The following KIRREL3 variants were observed in gnomAD, a reference collection of about 807,000 sequenced individuals.
KIRREL3 encodes the protein kirre like nephrin family adhesion molecule 3, also known as kin of IRRE-like protein 3.
KIRREL3 carries 36 observed loss-of-function variants against 89.7 expected under a neutral mutation model. That is an observed-to-expected ratio of 0.40 (90% confidence interval 0.31 to 0.53). The LOEUF (loss-of-function observed/expected upper bound fraction) is 0.53, where lower values mean the gene tolerates loss of function less well. Ranked by LOEUF, KIRREL3 falls within the 20% of genes least tolerant of loss-of-function variation. The probability of loss-of-function intolerance (pLI) is 0.49; values close to 1 mark genes in which losing one functional copy is unlikely to be tolerated. For synonymous variants in KIRREL3, 445 were observed against 441.4 expected, an observed-to-expected ratio of 1.01 and a Z score of -0.10; for missense variants, 864 against 1,056.6, an observed-to-expected ratio of 0.82 and a Z score of 2.53.
Position 126,594,960 on chromosome 11 carries a change from C to G in KIRREL3, c.56-32048G>C, listed in dbSNP as rs1942324161. ...AAGTCACTTTGCAGCTGCCCTGGGCCCTCGGACCCTCAGGGGCCTTCTGGG... is the reference window on the plus strand; with the variant it reads ...AAGTCACTTTGCAGCTGCCCTGGGCGCTCGGACCCTCAGGGGCCTTCTGGG... On this transcript the variant is annotated intron_variant, in intron 1 of 16. Coordinates refer to ENST00000525144, the MANE Select transcript of KIRREL3 (RefSeq NM_032531.4). The surrounding 1 kb of genome is among the most constrained non-coding windows in gnomAD (Gnocchi z 5.0). Among the ~76,000 whole-genome samples the G allele has an allele frequency of 6.6e-6, 1 of 152,202 alleles. No individual in the cohort carries two copies. The highest frequency in any genetic ancestry group is 6.5e-5 in the Admixed American group (1 of 15,274).
At chr11:126,759,030 T>A (rs1360708849) in intron 1 of KIRREL3, among the ~76,000 whole-genome samples, 5 of 152,182 alleles carry the variant, frequency 3.3e-5, no homozygotes, top group Admixed American at 3.3e-4. Context: ...GTCTCCAGAG[T>A]GGGTCATGTA....
In KIRREL3 at chr11:126,802,852, C is replaced by G. The variant is rs80194841; in HGVS notation, c.55+197603G>C. ...AGAAATATGCCATAGGAACTTAACTCTTGTTTATATCAATTAGCCTGTGGG... is the reference window on the plus strand; with the variant it reads ...AGAAATATGCCATAGGAACTTAACTGTTGTTTATATCAATTAGCCTGTGGG... On this transcript the variant is annotated intron_variant, in intron 1 of 16. Transcript: ENST00000525144. The surrounding 1 kb of genome is among the most constrained non-coding windows in gnomAD (Gnocchi z 5.2). Among the ~76,000 whole-genome samples the G allele has an allele frequency of 0.018, 2,735 of 152,154 alleles. 90 individuals carry two copies. The highest frequency in any genetic ancestry group is 0.063 in the African/African-American group (2,616 of 41,480).
In KIRREL3 at chr11:126,462,596, G is replaced by A. The variant is rs1956584599; in HGVS notation, c.742+561C>T. Among the ~76,000 whole-genome samples the A allele has an allele frequency of 6.6e-6, 1 of 152,194 alleles. No homozygotes were observed. The highest frequency in any genetic ancestry group is 2.4e-5 in the African/African-American group (1 of 41,450). ...CAGGAGAATCGCTTGAACCTGGGCA[G>A]CAGAGGTTGCAGTGAGCCGAGATTG... On this transcript the variant is annotated intron_variant, in intron 6 of 16. Coordinates refer to ENST00000525144, the MANE Select transcript of KIRREL3 (RefSeq NM_032531.4). The surrounding 1 kb of genome is among the most constrained non-coding windows in gnomAD (Gnocchi z 4.8).
intron 2 of KIRREL3, among the ~76,000 whole-genome samples, chr11:126,547,394 A>G (rs1938892343): frequency 6.6e-6 from 1 of 152,200 alleles, no homozygotes; most frequent in Non-Finnish European, 1.5e-5. Flanking sequence ...GTGTCTAATC[A>G]CGAAGGCTGC....
At position 126,955,546 on chromosome 11, in the gene KIRREL3, G is replaced by A. The variant is rs558213648; in HGVS notation, c.55+44909C>T. 3.3e-5 allele frequency among the ~76,000 whole-genome samples: 5 copies of A among 152,316 alleles called. No individual in the cohort carries two copies. In the East Asian group the frequency reaches 9.7e-4, roughly 29 times the overall value. On this transcript the variant is annotated intron_variant, in intron 1 of 16. Transcript: ENST00000525144. This position sits in a 1 kb window ranked among gnomAD's most constrained non-coding sequence, Gnocchi z 4.6. ...CAGGGTGAAGGTGGTTTGTCCTCCA[G>A]TGTGTGTTGGCCAGGGAGACTTCCT...
rs1448089601 is a variant in KIRREL3, at chr11:126,606,642, C to A, written c.56-43730G>T. Among the ~76,000 whole-genome samples, 1 of 152,010 alleles carries A rather than the reference C, an allele frequency of 6.6e-6. No individual in the cohort carries two copies. Among genetic ancestry groups the A allele is most frequent in the Admixed American group, 6.6e-5 (1 of 15,252 alleles). ...ACCCTCGACATTCCAGGGAGGGAACCGGAGGACTCCAGTCAGTTTCCAAGC... is the reference window on the plus strand; with the variant it reads ...ACCCTCGACATTCCAGGGAGGGAACAGGAGGACTCCAGTCAGTTTCCAAGC... On this transcript the variant is annotated intron_variant, in intron 1 of 16. Transcript: ENST00000525144. This position sits in a 1 kb window ranked among gnomAD's most constrained non-coding sequence, Gnocchi z 4.6.
chr11:126,735,546 T>C (rs1016502955), intron 1 of KIRREL3, among the ~76,000 whole-genome samples: 7 of 152,200 alleles, frequency 4.6e-5, no homozygotes, highest in Non-Finnish European at 8.8e-5. Flanking sequence ...ACCAGGGATA[T>C]GATCTCAATA....
chr11:126,660,941 G>A (rs1275097529), intron 1 of KIRREL3, among the ~76,000 whole-genome samples: 3 of 152,262 alleles, frequency 2.0e-5, no homozygotes, highest in Admixed American at 6.5e-5. Flanking sequence ...AGAGGCCAAT[G>A]GGGAGATCAT....
At position 126,791,216 on chromosome 11, in the gene KIRREL3, G is replaced by A. The variant is rs961531321; in HGVS notation, c.55+209239C>T. On this transcript the variant is annotated intron_variant, in intron 1 of 16. Transcript: ENST00000525144. This position sits in a 1 kb window ranked among gnomAD's most constrained non-coding sequence, Gnocchi z 4.8. ...TTTAGGAAACCTCTTATTGAGGAAAGAGTACATTTTGGGGGGCCTGTACAG... is the reference window on the plus strand; with the variant it reads ...TTTAGGAAACCTCTTATTGAGGAAAAAGTACATTTTGGGGGGCCTGTACAG... Among the ~76,000 whole-genome samples, 9 of 152,208 alleles carry A rather than the reference G, an allele frequency of 5.9e-5. No homozygotes were observed. The highest frequency in any genetic ancestry group is 2.2e-4 in the African/African-American group (9 of 41,450).
chr11:126,762,326 G>T (rs1411567066), intron 1 of KIRREL3, among the ~76,000 whole-genome samples: 2 of 152,192 alleles, frequency 1.3e-5, no homozygotes, highest in East Asian at 3.8e-4. Flanking sequence ...GGTCAGGTTA[G>T]GTACCCAAGG....
In KIRREL3 at chr11:126,475,586, A is replaced by G. The variant is rs1209380247; in HGVS notation, c.434-2120T>C. On this transcript the variant is annotated intron_variant, in intron 4 of 16. Transcript: ENST00000525144. This position sits in a 1 kb window ranked among gnomAD's most constrained non-coding sequence, Gnocchi z 7.5. ...CCGGACTCCACCGAGATCCTGGCTC[A>G]GGAACAGAGTCTGCCTCAGGCAACC... 6.6e-6 allele frequency among the ~76,000 whole-genome samples: 1 copy of G among 152,102 alleles called. No individual in the cohort carries two copies. The highest frequency in any genetic ancestry group is 6.5e-5 in the Admixed American group (1 of 15,282).
rs915552610 is a variant in KIRREL3, at chr11:126,752,225, C to T, written c.56-189313G>A. Among the ~76,000 whole-genome samples the T allele has an allele frequency of 6.6e-6, 1 of 152,118 alleles. No individual in the cohort carries two copies. The highest frequency in any genetic ancestry group is 1.5e-5 in the Non-Finnish European group (1 of 68,020). Reference sequence around the variant, plus strand: ...GGTTGGTTGGGGGGGTTTCTTGAAGCATTGTAGCTCCCATTATTCTCTTAA... The same window carrying T: ...GGTTGGTTGGGGGGGTTTCTTGAAGTATTGTAGCTCCCATTATTCTCTTAA... On this transcript the variant is annotated intron_variant, in intron 1 of 16. Coordinates refer to ENST00000525144, the MANE Select transcript of KIRREL3 (RefSeq NM_032531.4). The surrounding 1 kb of genome is among the most constrained non-coding windows in gnomAD (Gnocchi z 4.8).
chr11:126,746,834 C>T lies in KIRREL3; in HGVS notation c.56-183922G>A, dbSNP rs142072136. Among the ~76,000 whole-genome samples, 904 of 152,244 alleles carry T rather than the reference C, an allele frequency of 5.9e-3. 11 individuals carry two copies. The highest frequency in any genetic ancestry group is 0.02 in the African/African-American group (827 of 41,538). ...CCCCATTGTGCTTAGCAAGAACCTG[C>T]GGAGCTCCTCACACACTCACATCCT... On this transcript the variant is annotated intron_variant, in intron 1 of 16. Coordinates refer to ENST00000525144, the MANE Select transcript of KIRREL3 (RefSeq NM_032531.4).
intron 1 of KIRREL3, among the ~76,000 whole-genome samples, chr11:126,911,504 C>T (rs1374618619): frequency 2.0e-5 from 3 of 152,128 alleles, no homozygotes; most frequent in Admixed American, 6.5e-5. Context: ...TCACTGGCCA[C>T]GGACCAACAG....
Position 126,651,926 on chromosome 11 carries a change from G to A in KIRREL3, c.56-89014C>T, listed in dbSNP as rs533262682. On this transcript the variant is annotated intron_variant, in intron 1 of 16. Coordinates refer to ENST00000525144, the MANE Select transcript of KIRREL3 (RefSeq NM_032531.4). The surrounding 1 kb of genome is among the most constrained non-coding windows in gnomAD (Gnocchi z 4.6). ...GGTCTAATCATGACACCTCCATAAA[G>A]TCATGGGAAGTCCCTAATGAAAGTT... 6.6e-6 allele frequency among the ~76,000 whole-genome samples: 1 copy of A among 152,306 alleles called. No homozygotes were observed. The highest frequency in any genetic ancestry group is 2.4e-5 in the African/African-American group (1 of 41,572).
At chr11:126,425,780 C>T in intron 15 of KIRREL3, 56 bp from the exon 16 acceptor site, 1 of 1,384,244 alleles carries the variant, frequency 7.2e-7, no homozygotes, top group Non-Finnish European at 1.0e-6. Flanking sequence ...CTCCACTTCC[C>T]CCAAGGAAAA....
chr11:126,686,779 A>G lies in KIRREL3; in HGVS notation c.56-123867T>C, dbSNP rs1015269388. On this transcript the variant is annotated intron_variant, in intron 1 of 16. Coordinates refer to ENST00000525144, the MANE Select transcript of KIRREL3 (RefSeq NM_032531.4). The surrounding 1 kb of genome is among the most constrained non-coding windows in gnomAD (Gnocchi z 4.7). ...ATTTTTAGTAGAGATGGGGCTTCGC[A>G]TGTTGGCCAGGCTGGTCTCGAACTC... 2.6e-5 allele frequency among the ~76,000 whole-genome samples: 4 copies of G among 152,080 alleles called. No homozygotes were observed. Among genetic ancestry groups the G allele is most frequent in the African/African-American group, 9.7e-5 (4 of 41,400 alleles).
chr11:126,460,394 A>G (rs1344576436), intron 6 of KIRREL3, among the ~76,000 whole-genome samples: 4 of 152,222 alleles, frequency 2.6e-5, no homozygotes, highest in African/African-American at 4.8e-5. Context: ...TTAGGAGGTA[A>G]GCATGATTAC....
At chr11:126,497,320 CAGAG>C (rs796950104) in intron 4 of KIRREL3, among the ~76,000 whole-genome samples, 8 of 151,620 alleles carry the variant, frequency 5.3e-5, no homozygotes, top group East Asian at 3.9e-4. Context: ...GAGAGTAAGA[CAGAG>C]AGAGAGAGAC....
Sources: allele counts gnomAD v4.1 joint callset (sites outside exome capture counted in the v4.1 genomes callset), GRCh38; gene constraint gnomAD v4.1.1; non-coding constraint Gnocchi (gnomAD v3.1); transcripts MANE v1.5; gene names NCBI Gene and HGNC (gene_info 2026-07-23, HGNC 2026-07-21).